The following PRG4 variants were observed in gnomAD, a reference collection of about 807,000 sequenced individuals.
PRG4 encodes articular superficial zone protein.
A neutral mutation model predicts 91.2 loss-of-function variants in PRG4; 61 were observed. The ratio of observed to expected loss-of-function variants is 0.67; its 90% confidence interval spans 0.54 to 0.83. The LOEUF (loss-of-function observed/expected upper bound fraction) is 0.83, where lower values mean the gene tolerates loss of function less well. PRG4 is among the 40% of genes least tolerant of loss of function. The pLI is 0.00. For synonymous variants in PRG4, 576 were observed against 614.2 expected, an observed-to-expected ratio of 0.94 and a Z score of 0.92; for missense variants, 1,564 against 1,714.2, an observed-to-expected ratio of 0.91 and a Z score of 1.55.
In PRG4 at chr1:186,311,554, A is replaced by G. The variant is rs1657237093; in HGVS notation, c.3751A>G (p.Lys1251Glu). 1.9e-6 allele frequency: 3 copies of G among 1,614,008 alleles called. No individual in the cohort carries two copies. The highest frequency in any genetic ancestry group is 8.5e-7 in the Non-Finnish European group (1 of 1,179,976). ...AATAGTGGCAGCGCTTTCAACAGCT[A>G]AATATAAGAACTGGCCTGAATCTGT... ...GQIVAALSTA[K>E]YKNWPESVYF... The change falls in exon 10 of 13, where the codon AAA becomes GAA. Residue 1251 changes from lysine (K) to glutamate (E), a missense_variant. By Grantham distance (56) the Lys-to-Glu change is moderately conservative. Transcript: ENST00000445192.
chr1:186,309,969 A>G, intron 8 of PRG4, 99 bp downstream of exon 8: 1 of 950,972 alleles, frequency 1.1e-6, no homozygotes, highest in Non-Finnish European at 1.7e-6. Flanking sequence ...TGTTTTCTGG[A>G]GGGGAATCTG....
chr1:186,305,271 C>G (rs1055663419), intron 6 of PRG4, among the ~76,000 whole-genome samples: 1 of 152,118 alleles, frequency 6.6e-6, no homozygotes, highest in Admixed American at 6.5e-5. Flanking sequence ...TTTCCCTTCC[C>G]CAGCTTTATT....
In PRG4 at chr1:186,312,302, T is replaced by C. The variant is rs138853571; in HGVS notation, c.3921T>C (p.Ala1307=). The C allele has an allele frequency of 6.2e-7, 1 of 1,613,248 alleles. No homozygotes were observed. Among genetic ancestry groups the C allele is most frequent in the South Asian group, 1.1e-5 (1 of 90,816 alleles). The change falls in exon 11 of 13, where the codon GCT becomes GCC. Residue 1307 remains alanine, a synonymous_variant. Coordinates refer to ENST00000445192, the MANE Select transcript of PRG4 (RefSeq NM_005807.6). ...TQVRRRRFER[A]IGPSQTHTIR... ...TTAGGAGACGTCGCTTTGAACGTGC[T>C]ATAGGACCTTCTCAAACACACACCA...
Position 186,313,873 on chromosome 1 carries a change from A to G in PRG4, c.*95A>G. ...ATTAATAAAGAATATTGACATGAGT[A>G]TACCAGTTTATATATAAAAATGTTT... is the stretch of plus-strand genomic sequence containing the variant. On this transcript the variant is annotated 3_prime_UTR_variant, in exon 13 of 13. Coordinates refer to ENST00000445192, the MANE Select transcript of PRG4 (RefSeq NM_005807.6). The G allele has an allele frequency of 6.9e-7, 1 of 1,451,742 alleles. No homozygotes were observed. Among genetic ancestry groups the G allele is most frequent in the Non-Finnish European group, 9.7e-7 (1 of 1,034,412 alleles). The allele number at this position is 1,451,742 out of a possible 1,614,324, so 89.9% of individuals were successfully genotyped here.
At chr1:186,303,453 C>G (rs1046088914) in intron 4 of PRG4, among the ~76,000 whole-genome samples, 1 of 83,866 alleles carries the variant, frequency 1.2e-5, no homozygotes, top group Non-Finnish European at 2.6e-5. Context: ...TCTTCTTGTT[C>G]CTAAAAAAAA....
In PRG4 at chr1:186,306,500, A is replaced by C; in HGVS notation, c.781A>C (p.Arg261=). The change falls in exon 7 of 13, where the codon AGA becomes CGA. Residue 261 remains arginine (R), a synonymous_variant. Transcript: ENST00000445192. ...CACAACAGCAAAACCAATAAATCCC[A>C]GACCCAGTCTTCCACCTAATTCTGA... ...KITTAKPINP[R]PSLPPNSDTS... 6.2e-7 allele frequency: 1 copy of C among 1,613,600 alleles called. No homozygotes were observed. Among genetic ancestry groups the C allele is most frequent in the Middle Eastern group, 1.7e-4 (1 of 6,056 alleles).
rs772375510 is a variant in PRG4 at position 186,296,864 on chromosome 1, C to G, written c.-12C>G. 13 of 1,612,388 alleles carry G rather than the reference C, an allele frequency of 8.1e-6. No individual in the cohort carries two copies. The East Asian group carries it at 2.9e-4, about 36-fold the overall frequency. ...TTTTCAGCAAGGGTACCTACGGTAC[C>G]TGAAAACAACGATGGCATGGAAAAC... is the stretch of plus-strand genomic sequence containing the variant. On this transcript the variant is annotated 5_prime_UTR_variant, in exon 2 of 13. Transcript: ENST00000445192.
intron 5 of PRG4, 56 bp downstream of exon 5, chr1:186,304,313 G>C: frequency 6.5e-7 from 1 of 1,547,334 alleles, no homozygotes; most frequent in African/African-American, 1.4e-5. Context: ...TAACTTGTAG[G>C]TGACTGCTTA....
At chr1:186,311,676 G>A in intron 10 of PRG4, 80 bp downstream of exon 10, 1 of 1,403,786 alleles carries the variant, frequency 7.1e-7, no homozygotes. Flanking sequence ...TGACTTTACT[G>A]TCAAAAGATA....
At chr1:186,305,741 T>C (rs1656513044) in intron 6 of PRG4, among the ~76,000 whole-genome samples, 3 of 151,802 alleles carry the variant, frequency 2.0e-5, no homozygotes, top group Admixed American at 2.0e-4. Context: ...AATACTGTCT[T>C]TTTGCTGCCC....
In PRG4 at chr1:186,311,471, T is replaced by C. The variant is rs1258456539; in HGVS notation, c.3668T>C (p.Ile1223Thr). The change falls in exon 10 of 13, where the codon ATA (isoleucine) becomes ACA (threonine). Residue 1223 changes from isoleucine to threonine, a missense_variant. Ile to Thr is a moderately conservative substitution (Grantham distance 89, BLOSUM62 -1). Coordinates refer to ENST00000445192, the MANE Select transcript of PRG4 (RefSeq NM_005807.6). ...CAGTACTGGCGTTTTACCAATGATA[T>C]AAAAGATGCAGGGTACCCCAAACCA... ...DSQYWRFTNDIKDAGYPKPIF... is the reference protein window; with the variant it reads ...DSQYWRFTNDTKDAGYPKPIF... The C allele has an allele frequency of 1.9e-6, 3 of 1,613,686 alleles. No homozygotes were observed. The highest frequency in any genetic ancestry group is 2.5e-6 in the Non-Finnish European group (3 of 1,179,630).
Position 186,304,118 on chromosome 1 carries a change from C to T in PRG4, c.330C>T (p.Pro110=), listed in dbSNP as rs1230287132. The T allele has an allele frequency of 3.0e-5, 48 of 1,613,948 alleles. No homozygotes were observed. Among genetic ancestry groups the T allele is most frequent in the Non-Finnish European group, 4.0e-5 (47 of 1,179,946 alleles). ...YESFCAEVHN[P]TSPPSSKKAP... is the part of the protein sequence containing the mutation. ...CTTACTTGGCCTCAGTGCATAATCC[C>T]ACATCACCACCATCTTCAAAGAAAG... is the stretch of plus-strand genomic sequence containing the variant. The change falls in exon 5 of 13, where the codon CCC becomes CCT. Residue 110 remains proline (P), a synonymous_variant. Transcript: ENST00000445192.
Position 186,307,554 on chromosome 1 carries a change from C to T in PRG4, c.1835C>T (p.Thr612Ile), listed in dbSNP as rs1656773517. ...ACTCCCAAAGAGCCTGCCCCAACTA[C>T]CCCCAAGGAGACTGCACCCACCACC... ...PTTPKEPAPTTPKETAPTTPK... is the reference protein window; with the variant it reads ...PTTPKEPAPTIPKETAPTTPK... Residue 612 changes from threonine (T) to isoleucine (I), a missense_variant, in exon 7 of 13, where the codon ACC becomes ATC. Transcript: ENST00000445192. The T allele has an allele frequency of 2.5e-5, 40 of 1,583,990 alleles. No homozygotes were observed. Among genetic ancestry groups the T allele is most frequent in the Non-Finnish European group, 3.4e-5 (39 of 1,158,550 alleles).
chr1:186,311,014 T>C lies in PRG4; in HGVS notation c.3500-20T>C, dbSNP rs1440271811. The stretch of plus-strand genomic sequence containing the variant: ...GTTTAGCATTCAGCTTGTAGGCTGA[T>C]GTCTTTCCTTAAATTTTAGGTCATT... On this transcript the variant is annotated intron_variant, in intron 8 of 12. Transcript: ENST00000445192. 6.8e-6 allele frequency: 11 copies of C among 1,613,932 alleles called. No homozygotes were observed. Among genetic ancestry groups the C allele is most frequent in the East Asian group, 2.2e-5 (1 of 44,856 alleles).
chr1:186,309,055 T>A lies in PRG4; in HGVS notation c.3336T>A (p.His1112Gln), dbSNP rs754732482. ...CACCTCATATGCTTCTCAGGCCCCA[T>A]GTGTTCATGCCTGAAGTTACTCCCG... ...GETPHMLLRP[H>Q]VFMPEVTPDM... Residue 1112 changes from histidine to glutamine, a missense_variant, in exon 7 of 13, where the codon CAT becomes CAA. This residue lies in a region of PRG4 where 1,079 missense variants were observed against 1,162.2 expected (regional missense o/e 0.93). Coordinates refer to ENST00000445192, the MANE Select transcript of PRG4 (RefSeq NM_005807.6). 1.2e-6 allele frequency: 2 copies of A among 1,613,784 alleles called. No homozygotes were observed. Among genetic ancestry groups the A allele is most frequent in the Non-Finnish European group, 1.7e-6 (2 of 1,179,858 alleles).
At position 186,300,036 on chromosome 1, in the gene PRG4, C is replaced by T. The variant is rs1004758566; in HGVS notation, c.77-55C>T. 10 of 1,599,016 alleles carry T rather than the reference C, an allele frequency of 6.3e-6. No homozygotes were observed. The African/African-American group carries it at 8.0e-5, about 13-fold the overall frequency. On this transcript the variant is annotated intron_variant, in intron 2 of 12. Transcript: ENST00000445192. ...TGGCTTTGTCCCCCTCGTTAGATTG[C>T]TCCCTTTCTATAAAGTGGTTTGGCC...
Position 186,304,808 on chromosome 1 carries a change from G to A in PRG4, c.484G>A (p.Glu162Lys), listed in dbSNP as rs775759368. ...TTGATTTATAGAACATTCTGTTTCT[G>A]AAAATCAAGAGTCCTCCTCCTCCTC... is the stretch of plus-strand genomic sequence containing the variant. Reference protein sequence around the residue: ...EEITEEHSVSENQESSSSSSS... With the variant: ...EEITEEHSVSKNQESSSSSSS... Residue 162 changes from glutamate (E) to lysine (K), a missense_variant, in exon 6 of 13, where the codon GAA becomes AAA. Glu to Lys is a moderately conservative substitution (Grantham distance 56, BLOSUM62 1). Transcript: ENST00000445192. 3.1e-6 allele frequency: 5 copies of A among 1,611,936 alleles called. No homozygotes were observed. The highest frequency in any genetic ancestry group is 1.3e-5 in the African/African-American group (1 of 74,928).
chr1:186,306,935 C>T lies in PRG4; in HGVS notation c.1216C>T (p.Pro406Ser). The T allele has an allele frequency of 6.2e-7, 1 of 1,602,324 alleles. No individual in the cohort carries two copies. The highest frequency in any genetic ancestry group is 8.5e-7 in the Non-Finnish European group (1 of 1,176,400). ...PAPTTTKEPA[P>S]TTPKEPAPTT... is the part of the protein sequence containing the mutation. The stretch of plus-strand genomic sequence containing the variant: ...ACCCACCACCACCAAGGAGCCTGCA[C>T]CCACCACTCCCAAGGAGCCTGCACC... Residue 406 changes from proline to serine, a missense_variant, in exon 7 of 13, where the codon CCC (proline) becomes TCC (serine). By Grantham distance (74) the Pro-to-Ser change is moderately conservative. Around this residue, in one of 3 missense-constraint regions of PRG4, gnomAD observed 48 missense variants for 93.0 expected, o/e 0.52. Transcript: ENST00000445192.
chr1:186,311,194 GA>G lies in PRG4; in HGVS notation c.3636+27del, dbSNP rs552179787. On this transcript the variant is annotated intron_variant, in intron 9 of 12. Transcript: ENST00000445192. ...AGGTAACACAAATATCTTTGTGAGA[GA>G]AATTTAATAATAATTTGTAACTGCA... 5.5e-4 allele frequency: 869 copies of G among 1,592,806 alleles called. 12 individuals are homozygous for G. In the Admixed American group the frequency reaches 0.014, roughly 25 times the overall value.
Sources: allele counts gnomAD v4.1 joint callset (sites outside exome capture counted in the v4.1 genomes callset), GRCh38; gene constraint gnomAD v4.1.1; regional missense constraint gnomAD v4.1.1; transcripts MANE v1.5; gene names NCBI Gene and HGNC (gene_info 2026-07-23, HGNC 2026-07-21).